The following B4GALNT3 variants were observed in gnomAD, a reference collection of about 807,000 sequenced individuals.
B4GALNT3 encodes beta-1,4-N-acetylgalactosaminyltransferase 3.
A neutral mutation model predicts 120.2 loss-of-function variants in B4GALNT3; 86 were observed. The observed-to-expected ratio is 0.72, with a 90% CI of 0.60 to 0.86. B4GALNT3 has a LOEUF of 0.86. Among genes scored for constraint, B4GALNT3 ranks in the 40% least tolerant of loss-of-function variants. The pLI is 0.00. For missense variants in B4GALNT3, 1,167 were observed against 1,298.9 expected (o/e 0.90, Z 1.56); for synonymous variants, 518 against 510.4 (o/e 1.01, Z -0.20).
intron 1 of B4GALNT3, among the ~76,000 whole-genome samples, chr12:493,054 A>G (rs1451493502): frequency 1.3e-5 from 2 of 152,232 alleles, no homozygotes; most frequent in Non-Finnish European, 2.9e-5. Flanking sequence ...TTTTTAGACA[A>G]CACCAAAGTC....
At position 544,416 on chromosome 12, in the gene B4GALNT3, T is replaced by C. The variant is rs748073844; in HGVS notation, c.429T>C (p.His143=). The C allele has an allele frequency of 1.9e-6, 3 of 1,613,774 alleles. No individual in the cohort carries two copies. The highest frequency in any genetic ancestry group is 2.5e-6 in the Non-Finnish European group (3 of 1,179,860). ...SSIQQLRRNL[H]FPLYPHIRTT... ...TCCAGCAGCTCAGGAGGAACCTGCA[T>C]TTCCCACTGTACCCCCATGTGAGTG... is the stretch of plus-strand genomic sequence containing the variant. The change falls in exon 4 of 20, where the codon CAT becomes CAC. Residue 143 remains histidine (H), a synonymous_variant. Coordinates refer to ENST00000266383, the MANE Select transcript of B4GALNT3 (RefSeq NM_173593.4).
At chr12:521,573 C>T (rs185830605) in intron 1 of B4GALNT3, among the ~76,000 whole-genome samples, 57 of 152,274 alleles carry the variant, frequency 3.7e-4, no homozygotes, top group Admixed American at 2.3e-3. Flanking sequence ...AGTGAAGGAC[C>T]GTTCTTACCC....
chr12:546,847 G>A (rs1488423743), intron 7 of B4GALNT3, 134 bp downstream of exon 7: 4 of 835,680 alleles, frequency 4.8e-6, no homozygotes, highest in Non-Finnish European at 5.7e-6. Context: ...CCGGCAACCG[G>A]GTCTTTGGCT....
At position 486,288 on chromosome 12, in the gene B4GALNT3, C is replaced by T. The variant is rs139095506; in HGVS notation, c.169+25743C>T. ...GCAGTGGCGTGATCTTGGCTCACTG[C>T]AACCTCCACCCCTCAAGTTTAAGTG... On this transcript the variant is annotated intron_variant, in intron 1 of 19. Coordinates refer to ENST00000266383, the MANE Select transcript of B4GALNT3 (RefSeq NM_173593.4). 8.2e-3 allele frequency among the ~76,000 whole-genome samples: 1,202 copies of T among 146,508 alleles called. 7 individuals carry two copies. Among genetic ancestry groups the T allele is most frequent in the African/African-American group, 0.028 (1,113 of 39,412 alleles).
intron 3 of B4GALNT3, among the ~76,000 whole-genome samples, chr12:542,656 C>T (rs1054385956): frequency 6.6e-6 from 1 of 152,224 alleles, no homozygotes; most frequent in Non-Finnish European, 1.5e-5. Context: ...GCCACCCACT[C>T]AGAGTGCTGG....
chr12:549,375 G>A (rs1947048048), intron 9 of B4GALNT3, among the ~76,000 whole-genome samples: 1 of 152,232 alleles, frequency 6.6e-6, no homozygotes, highest in African/African-American at 2.4e-5. Flanking sequence ...GGCATGTGGT[G>A]CTTTTGGAGA....
chr12:487,204 A>C (rs1447813686), intron 1 of B4GALNT3, among the ~76,000 whole-genome samples: 1 of 152,260 alleles, frequency 6.6e-6, no homozygotes, highest in East Asian at 1.9e-4. Flanking sequence ...CAATTACAAA[A>C]GGTGAAATAT....
intron 1 of B4GALNT3, among the ~76,000 whole-genome samples, chr12:492,288 G>A (rs1435450449): frequency 6.6e-6 from 1 of 152,134 alleles, no homozygotes; most frequent in African/African-American, 2.4e-5. Flanking sequence ...AGGATACAGG[G>A]ATACAGATGT....
At chr12:494,326 G>A (rs531743966) in intron 1 of B4GALNT3, among the ~76,000 whole-genome samples, 2 of 149,496 alleles carry the variant, frequency 1.3e-5, no homozygotes, top group East Asian at 3.9e-4. Flanking sequence ...CAAAGGAAAA[G>A]GTCTCATTGT....
chr12:526,661 G>C (rs1054338774), intron 1 of B4GALNT3, among the ~76,000 whole-genome samples: 1 of 152,036 alleles, frequency 6.6e-6, no homozygotes, highest in Non-Finnish European at 1.5e-5. Context: ...GCCCTTAAAT[G>C]TTATAGGTGT....
chr12:559,116 AGTTAG>A (rs1349714865), intron 18 of B4GALNT3, among the ~76,000 whole-genome samples, 174 bp from the exon 19 acceptor site: 2 of 151,850 alleles, frequency 1.3e-5, no homozygotes, highest in African/African-American at 4.8e-5. Flanking sequence ...CCTGAACCTT[AGTTAG>A]GGGTCTTTCC....
At position 558,002 on chromosome 12, in the gene B4GALNT3, TC is replaced by T. The variant is rs765185689; in HGVS notation, c.2535-10del. The T allele has an allele frequency of 6.2e-7, 1 of 1,613,736 alleles. No homozygotes were observed. The highest frequency in any genetic ancestry group is 1.1e-5 in the South Asian group (1 of 91,072). ...CTGAGTCCTGATACGCAGCCCTCTC[TC>T]CCCTTCCTGCAGCTACCAGTACGTG... On this transcript the variant is annotated splice_polypyrimidine_tract_variant and intron_variant, in intron 16 of 19. Coordinates refer to ENST00000266383, the MANE Select transcript of B4GALNT3 (RefSeq NM_173593.4).
Position 548,366 on chromosome 12 carries a change from C to A in B4GALNT3, c.853+69C>A. 1.3e-6 allele frequency: 2 copies of A among 1,497,002 alleles called. No individual in the cohort carries two copies. Among genetic ancestry groups the A allele is most frequent in the Non-Finnish European group, 1.9e-6 (2 of 1,075,936 alleles). The allele number at this position is 1,497,002 out of a possible 1,614,324, so 92.7% of individuals were successfully genotyped here. A position where few individuals can be genotyped will look rare whatever the true frequency, so the allele number is the denominator to read the frequency against. On this transcript the variant is annotated intron_variant, in intron 9 of 19. Coordinates refer to ENST00000266383, the MANE Select transcript of B4GALNT3 (RefSeq NM_173593.4). The surrounding 1 kb of genome is among the most constrained non-coding windows in gnomAD (Gnocchi z 4.9). The stretch of plus-strand genomic sequence containing the variant: ...GGACAGCCTACCCTGGGGGATTTGG[C>A]AGGGGAGGAGGGGAGGAGGGGAGGA...
Position 527,080 on chromosome 12 carries a change from T to TTTTTG in B4GALNT3, c.170-8066_170-8062dup, listed in dbSNP as rs753971217. ...GTGCGCACCACCACGCCCAGCTAGT[T>TTTTTG]TTTTGTTTTGTTTTGTTTTGTTTTT... On this transcript the variant is annotated intron_variant, in intron 1 of 19. Transcript: ENST00000266383. Among the ~76,000 whole-genome samples the TTTTTG allele has an allele frequency of 1.3e-4, 20 of 152,068 alleles. No homozygotes were observed. In the East Asian group the frequency reaches 3.1e-3, roughly 24 times the overall value.
chr12:487,405 G>C (rs1433194796), intron 1 of B4GALNT3, among the ~76,000 whole-genome samples: 2 of 152,040 alleles, frequency 1.3e-5, no homozygotes, highest in Non-Finnish European at 2.9e-5. Flanking sequence ...TCAAACTAAG[G>C]AAAGTCAAAG....
At chr12:534,751 T>G (rs2120661386) in intron 1 of B4GALNT3, among the ~76,000 whole-genome samples, 1 of 152,292 alleles carries the variant, frequency 6.6e-6, no homozygotes, top group Non-Finnish European at 1.5e-5. Context: ...TTAGTAAGCC[T>G]CTGCTGTTCC....
At chr12:482,746 G>A (rs1179329205) in intron 1 of B4GALNT3, among the ~76,000 whole-genome samples, 3 of 152,070 alleles carry the variant, frequency 2.0e-5, no homozygotes, top group Admixed American at 6.5e-5. Flanking sequence ...CTATAGTTCC[G>A]GCTACTCAGG....
intron 1 of B4GALNT3, among the ~76,000 whole-genome samples, chr12:512,461 C>T (rs1281432545): frequency 6.7e-6 from 1 of 148,180 alleles, no homozygotes; most frequent in Non-Finnish European, 1.5e-5. Context: ...CTTCCACCTT[C>T]CACCTTCCGC....
chr12:506,023 G>T (rs940804665), intron 1 of B4GALNT3, among the ~76,000 whole-genome samples: 1 of 152,142 alleles, frequency 6.6e-6, no homozygotes, highest in Non-Finnish European at 1.5e-5. Flanking sequence ...AACCCGATTT[G>T]TCTGTCTCAT....
Sources: allele counts gnomAD v4.1 joint callset (sites outside exome capture counted in the v4.1 genomes callset), GRCh38; gene constraint gnomAD v4.1.1; non-coding constraint Gnocchi (gnomAD v3.1); transcripts MANE v1.5; gene names NCBI Gene and HGNC (gene_info 2026-07-23, HGNC 2026-07-21).